The following RPTOR variants were observed in gnomAD, a reference collection of about 807,000 sequenced individuals.
The protein encoded by RPTOR is regulatory-associated protein of mTOR.
RPTOR carries 21 observed loss-of-function variants against 169.9 expected under a neutral mutation model. The observed-to-expected ratio is 0.12, with a 90% CI of 0.09 to 0.18. The LOEUF is 0.18. Ranked by LOEUF, RPTOR falls within the 10% of genes least tolerant of loss-of-function variation. The pLI is 1.00. For missense variants in RPTOR, 1,133 were observed against 1,855.9 expected (o/e 0.61, Z 7.16); for synonymous variants, 732 against 753.2 (o/e 0.97, Z 0.46).
intron 1 of RPTOR, among the ~76,000 whole-genome samples, chr17:80,565,532 C>T (rs558885655): frequency 1.5e-4 from 19 of 124,204 alleles, no homozygotes; most frequent in South Asian, 1.0e-3. Context: ...GTGAAGCAAG[C>T]GGCACTGCTG....
intron 21 of RPTOR, among the ~76,000 whole-genome samples, chr17:80,921,945 C>T (rs2068750135): frequency 6.6e-6 from 1 of 152,212 alleles, no homozygotes; most frequent in Admixed American, 6.5e-5. Context: ...AAAGGATGAC[C>T]ACAGCCCCTC....
intron 1 of RPTOR, among the ~76,000 whole-genome samples, chr17:80,617,661 T>C (rs1022647961): frequency 7.2e-5 from 11 of 152,224 alleles, no homozygotes; most frequent in Non-Finnish European, 1.3e-4. Context: ...TTATTTTCAC[T>C]TTTTCTTTTT....
At chr17:80,697,465 C>T (rs1005038321) in intron 3 of RPTOR, among the ~76,000 whole-genome samples, 2 of 152,202 alleles carry the variant, frequency 1.3e-5, no homozygotes, top group Non-Finnish European at 2.9e-5. Flanking sequence ...CCCCTGTCTG[C>T]CTAGGCATTT....
At chr17:80,680,494 G>T (rs567978354) in intron 3 of RPTOR, among the ~76,000 whole-genome samples, 21 of 152,128 alleles carry the variant, frequency 1.4e-4, no homozygotes, top group African/African-American at 4.8e-4. Context: ...TTAGCTGGGC[G>T]CAGTGGCAGG....
At chr17:80,576,826 G>C (rs2064967934) in intron 1 of RPTOR, among the ~76,000 whole-genome samples, 1 of 152,114 alleles carries the variant, frequency 6.6e-6, no homozygotes, top group African/African-American at 2.4e-5. Context: ...AACTCAGACT[G>C]TTGTGTAGCT....
At chr17:80,546,372 A>G (rs1394088453) in intron 1 of RPTOR, among the ~76,000 whole-genome samples, 1 of 152,198 alleles carries the variant, frequency 6.6e-6, no homozygotes, top group Admixed American at 6.5e-5. Context: ...TAACTTGGAA[A>G]CAGGATTTCT....
At chr17:80,950,471 G>A (rs1321207754) in intron 28 of RPTOR, among the ~76,000 whole-genome samples, 2 of 152,090 alleles carry the variant, frequency 1.3e-5, no homozygotes, top group African/African-American at 4.8e-5. Flanking sequence ...CATGGGGGCA[G>A]CTCCAGGGTG....
chr17:80,636,358 G>T (rs1232817324), intron 2 of RPTOR, among the ~76,000 whole-genome samples: 3 of 152,142 alleles, frequency 2.0e-5, no homozygotes, highest in East Asian at 1.9e-4. Context: ...TTAGTCTGTT[G>T]TTGCTGCTGT....
chr17:80,677,775 A>T (rs1254068519), intron 3 of RPTOR, among the ~76,000 whole-genome samples: 2 of 86,206 alleles, frequency 2.3e-5, no homozygotes, highest in African/African-American at 1.4e-4. Context: ...AACAAAATAA[A>T]CCCCAAGAAA....
intron 2 of RPTOR, 79 bp from the exon 3 acceptor site, chr17:80,643,649 G>A: frequency 9.4e-7 from 1 of 1,060,246 alleles, no homozygotes; most frequent in Non-Finnish European, 1.4e-6. Flanking sequence ...TGTTATATAA[G>A]GAGAAACTGT....
At chr17:80,619,988 T>C (rs768400701) in intron 1 of RPTOR, among the ~76,000 whole-genome samples, 10 of 152,162 alleles carry the variant, frequency 6.6e-5, no homozygotes, top group Admixed American at 3.3e-4. Context: ...AGGCGTGTGC[T>C]CCAGCCTTTA....
At chr17:80,566,526 T>C (rs556776774) in intron 1 of RPTOR, among the ~76,000 whole-genome samples, 1 of 152,118 alleles carries the variant, frequency 6.6e-6, no homozygotes. Flanking sequence ...ATTATAAGAA[T>C]GTATATTTTC....
rs2069402360 is a variant in RPTOR, at chr17:80,964,664, A to G, written c.*334A>G. The G allele has an allele frequency of 2.7e-6, 1 of 374,126 alleles. No individual in the cohort carries two copies. The allele number at this position is 374,126 out of a possible 1,614,324, so 23.2% of individuals were successfully genotyped here. ...AGGGGAAACACCTCACTTTATTTCCATGTAATCAGAGCATTAGCTGCAGAA... is the reference window on the plus strand; with the variant it reads ...AGGGGAAACACCTCACTTTATTTCCGTGTAATCAGAGCATTAGCTGCAGAA... On this transcript the variant is annotated 3_prime_UTR_variant, in exon 34 of 34. Coordinates refer to ENST00000306801, the MANE Select transcript of RPTOR (RefSeq NM_020761.3).
At chr17:80,680,901 G>A (rs112973672) in intron 3 of RPTOR, among the ~76,000 whole-genome samples, 1 of 152,150 alleles carries the variant, frequency 6.6e-6, no homozygotes, top group African/African-American at 2.4e-5. Context: ...TCTAGACCCA[G>A]CAGATGGGCT....
At chr17:80,774,717 G>A (rs1173713414) in intron 6 of RPTOR, among the ~76,000 whole-genome samples, 2 of 152,134 alleles carry the variant, frequency 1.3e-5, no homozygotes, top group Non-Finnish European at 2.9e-5. Context: ...AATGGGGGCG[G>A]CCCCTGGGAA....
At chr17:80,854,106 G>A (rs1460029217) in intron 11 of RPTOR, among the ~76,000 whole-genome samples, 1 of 152,292 alleles carries the variant, frequency 6.6e-6, no homozygotes, top group East Asian at 1.9e-4. Context: ...TTTTGAAGTA[G>A]AAAACTAAAC....
At chr17:80,918,383 G>A (rs2068699669) in intron 21 of RPTOR, among the ~76,000 whole-genome samples, 2 of 151,702 alleles carry the variant, frequency 1.3e-5, no homozygotes, top group South Asian at 4.2e-4. Flanking sequence ...CTGTGCAGCT[G>A]CAGGCAGCGG....
intron 9 of RPTOR, among the ~76,000 whole-genome samples, chr17:80,833,402 C>T (rs1019026046): frequency 6.6e-6 from 1 of 152,340 alleles, no homozygotes; most frequent in Admixed American, 6.5e-5. Flanking sequence ...TCCAGCCCTG[C>T]TTCTCCAGGC....
chr17:80,784,109 C>T (rs1214150609), intron 6 of RPTOR, among the ~76,000 whole-genome samples: 2 of 150,850 alleles, frequency 1.3e-5, no homozygotes, highest in East Asian at 4.0e-4. Context: ...CCCGAGTCCT[C>T]TGACCATGCC....
Sources: gnomAD v4.1 joint callset for allele counts (sites outside exome capture counted in the v4.1 genomes callset) on GRCh38, gnomAD v4.1.1 for gene constraint, MANE v1.5 for transcripts, NCBI Gene and HGNC (gene_info 2026-07-23, HGNC 2026-07-21) for gene names.